MYO9B: variants seen among roughly 807,000 people sequenced by gnomAD.
MYO9B encodes the protein unconventional myosin-IXb.
A neutral mutation model predicts 229.5 loss-of-function variants in MYO9B; 71 were observed. That is an observed-to-expected ratio of 0.31 (90% CI 0.26 to 0.38). The LOEUF (loss-of-function observed/expected upper bound fraction) is 0.38. Among genes scored for constraint, MYO9B ranks in the 10% least tolerant of loss-of-function variants. MYO9B has a pLI of 1.00. For synonymous variants in MYO9B, 1,185 were observed against 1,235.8 expected, an observed-to-expected ratio of 0.96 and a Z score of 0.86; for missense variants, 2,255 against 2,920.5, an observed-to-expected ratio of 0.77 and a Z score of 5.25.
chr19:17,137,128 T>C (rs888161374), intron 2 of MYO9B, among the ~76,000 whole-genome samples: 2 of 150,608 alleles, frequency 1.3e-5, no homozygotes, highest in South Asian at 4.2e-4. Context: ...CTCGGGAGGC[T>C]GAGGCAGGAG....
chr19:17,101,660 C>A lies in MYO9B; in HGVS notation c.-58C>A. The A allele has an allele frequency of 6.7e-7, 1 of 1,485,638 alleles. No individual in the cohort carries two copies. The highest frequency in any genetic ancestry group is 8.9e-7 in the Non-Finnish European group (1 of 1,121,732). 92.0% of individuals were successfully genotyped at this position (1,485,638 alleles called of 1,614,324 possible). On this transcript the variant is annotated splice_region_variant and 5_prime_UTR_variant, in exon 2 of 40. Coordinates refer to ENST00000682292, the MANE Select transcript of MYO9B (RefSeq NM_004145.4). This position sits in a 1 kb window ranked among gnomAD's most constrained non-coding sequence, Gnocchi z 4.7. ...TGCCTGGCTCTGACCTCCCTTCTAG[C>A]TCCAGGACACGCGCGCCCCGAGCCT...
At chr19:17,208,214 C>G (rs1401076218) in intron 35 of MYO9B, among the ~76,000 whole-genome samples, 1 of 146,658 alleles carries the variant, frequency 6.8e-6, no homozygotes, top group Non-Finnish European at 1.5e-5. Flanking sequence ...TGGCAGGCGC[C>G]TGTAATCCCA....
At chr19:17,102,618 A>G in intron 2 of MYO9B, 61 bp downstream of exon 2, 1 of 1,476,868 alleles carries the variant, frequency 6.8e-7, no homozygotes, top group East Asian at 2.5e-5. Flanking sequence ...TGCGGGTTTC[A>G]GGCCAAGCTC....
intron 2 of MYO9B, among the ~76,000 whole-genome samples, chr19:17,125,308 C>A (rs868250467): frequency 8.0e-5 from 10 of 124,306 alleles, no homozygotes; most frequent in East Asian, 2.6e-4. Flanking sequence ...CCCCCCCCCC[C>A]CAAAAAAAGG....
At position 17,212,099 on chromosome 19, in the gene MYO9B, G is replaced by C. The variant is rs766881119; in HGVS notation, c.6263G>C (p.Arg2088Pro). ...CTGCCTCGCTGGGCACCGGGTGCCC[G>C]GGAGGCGGCTGCCCCAGTGCGGCGC... The part of the protein sequence containing the change: ...SHLPRWAPGA[R>P]EAAAPVRRRE... Residue 2088 changes from arginine (R) to proline (P), a missense_variant, in exon 40 of 40, where the codon CGG becomes CCG. Physicochemically the swap from Arg to Pro is moderately radical, Grantham distance 103. This residue lies in a region of MYO9B where 331 missense variants were observed against 332.5 expected (regional missense o/e 1.00). Coordinates refer to ENST00000682292, the MANE Select transcript of MYO9B (RefSeq NM_004145.4). This position sits in a 1 kb window ranked among gnomAD's most constrained non-coding sequence, Gnocchi z 5.4. 6.3e-7 allele frequency: 1 copy of C among 1,589,632 alleles called. No individual in the cohort carries two copies. The highest frequency in any genetic ancestry group is 8.5e-7 in the Non-Finnish European group (1 of 1,170,406).
chr19:17,111,870 A>C (rs1281205257), intron 2 of MYO9B, among the ~76,000 whole-genome samples: 1 of 152,094 alleles, frequency 6.6e-6, no homozygotes, highest in Non-Finnish European at 1.5e-5. Flanking sequence ...GATCAATGGA[A>C]TCTCTCACAC....
At chr19:17,203,646 C>G (rs1362779329) in intron 30 of MYO9B, among the ~76,000 whole-genome samples, 1 of 151,580 alleles carries the variant, frequency 6.6e-6, no homozygotes, top group East Asian at 1.9e-4. Flanking sequence ...CACCCCAGCC[C>G]AGCCACCAGG....
intron 2 of MYO9B, among the ~76,000 whole-genome samples, chr19:17,114,646 G>A (rs539798388): frequency 2.3e-4 from 35 of 152,118 alleles, no homozygotes; most frequent in Non-Finnish European, 4.4e-4. Flanking sequence ...TTTTTGCAAA[G>A]GAATGTAATC....
In MYO9B at chr19:17,154,042, T is replaced by C. The variant is rs1185732294; in HGVS notation, c.1074T>C (p.Pro358=). ...EERQEFQLKQ[P]EDYFYLNQHN... is the part of the protein sequence containing the mutation. ...GCCAAGAATTTCAGCTCAAGCAGCCTGAAGATTATTTCTACCTCAACCAGG... is the reference window on the plus strand; with the variant it reads ...GCCAAGAATTTCAGCTCAAGCAGCCCGAAGATTATTTCTACCTCAACCAGG... The change falls in exon 5 of 40, where the codon CCT becomes CCC. Residue 358 remains proline (P), a synonymous_variant. Coordinates refer to ENST00000682292, the MANE Select transcript of MYO9B (RefSeq NM_004145.4). 1 of 1,613,090 alleles carries C rather than the reference T, an allele frequency of 6.2e-7. No individual in the cohort carries two copies. The highest frequency in any genetic ancestry group is 1.6e-4 in the Middle Eastern group (1 of 6,062).
intron 34 of MYO9B, 68 bp downstream of exon 34, chr19:17,206,852 C>T (rs977846294): frequency 4.0e-5 from 55 of 1,371,050 alleles, no homozygotes; most frequent in Non-Finnish European, 4.9e-5. Flanking sequence ...GCAGCATTTC[C>T]CAGGAGGACC....
chr19:17,188,762 C>T (rs1249765404), intron 19 of MYO9B, among the ~76,000 whole-genome samples: 2 of 152,108 alleles, frequency 1.3e-5, no homozygotes, highest in African/African-American at 4.8e-5. Flanking sequence ...CCTGTAATCC[C>T]AACACTTTGG....
intron 2 of MYO9B, 66 bp downstream of exon 2, chr19:17,102,623 A>ACATCTGTAACCTAT (rs2057756044): frequency 3.4e-6 from 5 of 1,470,818 alleles, no homozygotes; most frequent in Non-Finnish European, 4.5e-6. Flanking sequence ...GTTTCAGGCC[A>ACATCTGTAACCTAT]AGCTCGGTGG....
chr19:17,183,745 C>A, intron 15 of MYO9B, 84 bp from the exon 16 acceptor site: 2 of 1,226,202 alleles, frequency 1.6e-6, no homozygotes, highest in East Asian at 2.6e-5. Flanking sequence ...TCAGTCTAAC[C>A]CGCCAGGCGT....
At chr19:17,088,960 A>G (rs2057610704) in intron 1 of MYO9B, among the ~76,000 whole-genome samples, 1 of 152,082 alleles carries the variant, frequency 6.6e-6, no homozygotes, top group Non-Finnish European at 1.5e-5. Flanking sequence ...TTACAGGAAT[A>G]AGCCACCACG....
rs562854133 is a variant in MYO9B, at chr19:17,162,335, C to G, written c.1420-15C>G. On this transcript the variant is annotated splice_polypyrimidine_tract_variant and intron_variant, in intron 8 of 39. Transcript: ENST00000682292. The stretch of plus-strand genomic sequence containing the variant: ...CTGCCGTGCCGGAGGTGAGTCACCC[C>G]CTCTGTGTCCACAGGCCATCACTGC... The G allele has an allele frequency of 5.1e-6, 8 of 1,555,898 alleles. No homozygotes were observed. In the African/African-American group the frequency reaches 5.5e-5, roughly 11 times the overall value.
rs552878541 is a variant in MYO9B, at chr19:17,203,257, C to T, written c.4989C>T (p.Ser1663=). The change falls in exon 30 of 40, where the codon AGC becomes AGT. Residue 1663 remains serine, a splice_region_variant and synonymous_variant. Transcript: ENST00000682292. The stretch of plus-strand genomic sequence containing the variant: ...TCATGGACAAGGCCCTGCTCTGCAG[C>T]GGTGAGTGGCTCCCCCACCAGGCCC... ...IWLMDKALLC[S]VCKMTCHKKC... 167 of 1,547,360 alleles carry T rather than the reference C, an allele frequency of 1.1e-4. No individual in the cohort carries two copies. In the East Asian group the frequency reaches 2.5e-3, roughly 23 times the overall value.
intron 8 of MYO9B, among the ~76,000 whole-genome samples, 195 bp from the exon 9 acceptor site, chr19:17,162,155 A>G (rs1298735197): frequency 6.6e-6 from 1 of 152,138 alleles, no homozygotes; most frequent in East Asian, 1.9e-4. Flanking sequence ...AAATACAAAA[A>G]TTAGCCAGGT....
intron 1 of MYO9B, among the ~76,000 whole-genome samples, chr19:17,096,269 C>T (rs934711724): frequency 2.6e-5 from 4 of 152,176 alleles, no homozygotes; most frequent in Non-Finnish European, 5.9e-5. Flanking sequence ...GTCTCTGTCT[C>T]GACATCTGCT....
chr19:17,120,130 TGAG>T (rs1406526139), intron 2 of MYO9B, among the ~76,000 whole-genome samples: 1 of 152,012 alleles, frequency 6.6e-6, no homozygotes, highest in East Asian at 1.9e-4. Flanking sequence ...ATGGAGGTGA[TGAG>T]GAGCAGCTTG....
Sources: allele counts gnomAD v4.1 joint callset (sites outside exome capture counted in the v4.1 genomes callset), GRCh38; gene constraint gnomAD v4.1.1; regional missense constraint gnomAD v4.1.1; non-coding constraint Gnocchi (gnomAD v3.1); transcripts MANE v1.5; gene names NCBI Gene and HGNC (gene_info 2026-07-23, HGNC 2026-07-21).